Variants in AKAP19 observed in about 807,000 individuals in gnomAD.
AKAP19 encodes the protein A-kinase anchoring protein 19, also known as small A-kinase anchoring protein.
the AKAP19 span, among the ~76,000 whole-genome samples, chr2:189,953,212 A>G: frequency 2.6e-5 from 4 of 152,228 alleles, no homozygotes; most frequent in African/African-American, 9.7e-5. Flanking sequence ...CGTCGAGTTC[A>G]CTAATATAAT....
chr2:190,180,647 G>C, the AKAP19 span: 1 of 985,184 alleles, frequency 1.0e-6, no homozygotes, highest in Non-Finnish European at 1.2e-6. This position sits in a 1 kb window ranked among gnomAD's most constrained non-coding sequence, Gnocchi z 6.8. Flanking sequence ...CCCCTGCCTC[G>C]GACCCTGCGC....
At chr2:190,055,413 G>T in the AKAP19 span, among the ~76,000 whole-genome samples, 2 of 151,952 alleles carry the variant, frequency 1.3e-5, no homozygotes, top group Non-Finnish European at 2.9e-5. Context: ...ACACCAACAT[G>T]GCACATGTAT....
chr2:189,879,856 C>G, the AKAP19 span: 1 of 152,208 alleles, frequency 6.6e-6, no homozygotes, highest in Non-Finnish European at 1.5e-5. Context: ...TCTTTACACC[C>G]AAGTATGTTG....
the AKAP19 span, chr2:189,879,742 G>A: frequency 6.6e-6 from 1 of 152,304 alleles, no homozygotes; most frequent in African/African-American, 2.4e-5. Context: ...AGATCCGAAG[G>A]AAAAGGAAAG....
chr2:190,087,518 G>A, the AKAP19 span, among the ~76,000 whole-genome samples: 2 of 152,118 alleles, frequency 1.3e-5, no homozygotes, highest in Non-Finnish European at 2.9e-5. Flanking sequence ...GCATTAATTT[G>A]GGACACAGAT....
chr2:190,038,957 TCTTCTTCTTCTTC>T, the AKAP19 span, among the ~76,000 whole-genome samples: 1 of 147,778 alleles, frequency 6.8e-6, no homozygotes, highest in African/African-American at 2.6e-5. Flanking sequence ...TTCTTCTTCT[TCTTCTTCTTCTTC>T]TTTCTTCTTC....
chr2:190,024,634 A>C, the AKAP19 span, among the ~76,000 whole-genome samples: 1 of 152,260 alleles, frequency 6.6e-6, no homozygotes, highest in African/African-American at 2.4e-5. Context: ...CCTAGGACAC[A>C]GTCTAGGCTG....
chr2:190,151,274 G>A, the AKAP19 span, among the ~76,000 whole-genome samples: 2 of 152,134 alleles, frequency 1.3e-5, no homozygotes, highest in Non-Finnish European at 2.9e-5. Context: ...ATAGGAAAAC[G>A]TGTGCTATGG....
the AKAP19 span, among the ~76,000 whole-genome samples, chr2:190,039,845 C>G: frequency 6.6e-6 from 1 of 152,164 alleles, no homozygotes; most frequent in African/African-American, 2.4e-5. Context: ...CTGCAAAAGA[C>G]ATGATCTCGT....
chr2:190,023,230 A>G, the AKAP19 span, among the ~76,000 whole-genome samples: 1 of 152,162 alleles, frequency 6.6e-6, no homozygotes, highest in Non-Finnish European at 1.5e-5. Flanking sequence ...CATTAAACAC[A>G]ATAAACAATA....
chr2:190,141,277 G>A, the AKAP19 span, among the ~76,000 whole-genome samples: 1 of 152,076 alleles, frequency 6.6e-6, no homozygotes, highest in African/African-American at 2.4e-5. Flanking sequence ...TCCAACCTCT[G>A]CCTGTTATGC....
the AKAP19 span, among the ~76,000 whole-genome samples, chr2:189,941,453 CA>C: frequency 6.6e-6 from 1 of 152,060 alleles, no homozygotes; most frequent in Non-Finnish European, 1.5e-5. Flanking sequence ...TAAACTGAGA[CA>C]ACATAAAGTC....
chr2:189,925,061 G>C, the AKAP19 span, among the ~76,000 whole-genome samples: 3 of 152,088 alleles, frequency 2.0e-5, no homozygotes, highest in African/African-American at 7.2e-5. Flanking sequence ...AGGGGGTTTC[G>C]CCTCACATTT....
chr2:190,120,676 T>C, the AKAP19 span, among the ~76,000 whole-genome samples: 1 of 152,220 alleles, frequency 6.6e-6, no homozygotes. Context: ...AAATTTTTAA[T>C]TTCCCTATAT....
the AKAP19 span, among the ~76,000 whole-genome samples, chr2:190,189,479 ATAAGTAACTGAAGAAC>A: frequency 6.6e-6 from 1 of 152,240 alleles, no homozygotes; most frequent in South Asian, 2.1e-4. Context: ...AGCAGATGTG[ATAAGTAACTGAAGAAC>A]AGTTGTTTTC....
chr2:190,014,093 C>A, the AKAP19 span, among the ~76,000 whole-genome samples: 2 of 152,182 alleles, frequency 1.3e-5, no homozygotes, highest in African/African-American at 4.8e-5. Context: ...GCTTTTCCTA[C>A]ATCCCATAAG....
At chr2:190,087,088 C>T in the AKAP19 span, among the ~76,000 whole-genome samples, 1 of 152,316 alleles carries the variant, frequency 6.6e-6, no homozygotes, top group East Asian at 1.9e-4. Flanking sequence ...CTTTCATTTT[C>T]AGATCTAAGT....
At chr2:190,130,516 A>G in the AKAP19 span, among the ~76,000 whole-genome samples, 1 of 152,204 alleles carries the variant, frequency 6.6e-6, no homozygotes, top group South Asian at 2.1e-4. Flanking sequence ...AAATCCTGCT[A>G]GTTTTCTTCT....
the AKAP19 span, among the ~76,000 whole-genome samples, chr2:190,055,367 A>G: frequency 6.6e-6 from 1 of 151,934 alleles, no homozygotes; most frequent in South Asian, 2.1e-4. Flanking sequence ...ATTTGGAGAC[A>G]TACCTAATGT....
Sources: gnomAD v4.1 joint callset for allele counts (sites outside exome capture counted in the v4.1 genomes callset) on GRCh38, gnomAD v4.1.1 for gene constraint, Gnocchi (gnomAD v3.1) non-coding constraint, MANE v1.5 for transcripts, NCBI Gene and HGNC (gene_info 2026-07-23, HGNC 2026-07-21) for gene names.